Variants in ANKRD26 observed in about 807,000 individuals in gnomAD.
The protein encoded by ANKRD26 is ankyrin repeat domain 26, also known as ankyrin repeat domain-containing protein 26.
ANKRD26 carries 141 observed loss-of-function variants against 208.7 expected under a neutral mutation model. The observed-to-expected ratio is 0.68, with a 90% CI of 0.59 to 0.78. ANKRD26 has a LOEUF of 0.78. Among genes scored for constraint, ANKRD26 ranks in the 30% least tolerant of loss-of-function variants. ANKRD26 has a pLI of 0.00. For synonymous variants in ANKRD26, 636 were observed against 660.4 expected (o/e 0.96, Z 0.57); for missense variants, 1,889 against 1,938.7 (o/e 0.97, Z 0.48).
chr10:27,009,688 C>T (rs752186667), intron 32 of ANKRD26, among the ~76,000 whole-genome samples: 12 of 151,622 alleles, frequency 7.9e-5, no homozygotes, highest in African/African-American at 2.7e-4. Flanking sequence ...TAATCTCTTA[C>T]GCTAATAATT....
Position 27,043,333 on chromosome 10 carries a change from G to A in ANKRD26, c.2161+93C>T. The A allele has an allele frequency of 2.1e-6, 3 of 1,460,236 alleles. No individual in the cohort carries two copies. The Admixed American group carries it at 5.3e-5, about 26-fold the overall frequency. The allele number at this position is 1,460,236 out of a possible 1,614,324, so 90.5% of individuals were successfully genotyped here. ...GCATCATAGCCACCAATGAAGCACTGCAAAATGTATGCTAAATGTACATAC... is the reference window on the plus strand; with the variant it reads ...GCATCATAGCCACCAATGAAGCACTACAAAATGTATGCTAAATGTACATAC... On this transcript the variant is annotated intron_variant, in intron 20 of 33. Coordinates refer to ENST00000376087, the MANE Select transcript of ANKRD26 (RefSeq NM_014915.3).
the ANKRD26 span, among the ~76,000 whole-genome samples, chr10:26,958,462 G>T: frequency 6.6e-6 from 1 of 151,972 alleles, no homozygotes; most frequent in African/African-American, 2.4e-5. Context: ...CCCCCTACAG[G>T]TGCCCAGTGT....
intron 29 of ANKRD26, among the ~76,000 whole-genome samples, chr10:27,018,346 G>C (rs1229878304): frequency 2.6e-5 from 4 of 151,762 alleles, no homozygotes; most frequent in Non-Finnish European, 5.9e-5. Context: ...ATGTTAGCCA[G>C]GATGGTCTCA....
chr10:26,962,553 C>T, the ANKRD26 span, among the ~76,000 whole-genome samples: 13 of 151,772 alleles, frequency 8.6e-5, no homozygotes, highest in African/African-American at 2.7e-4. Flanking sequence ...CTAGCCTGGG[C>T]GACAGGAGTG....
the ANKRD26 span, among the ~76,000 whole-genome samples, chr10:26,954,333 T>G: frequency 3.3e-5 from 5 of 152,234 alleles, no homozygotes; most frequent in African/African-American, 1.2e-4. Flanking sequence ...TGATTTGAAA[T>G]GTCATTTTCA....
rs1322133898 is a variant in ANKRD26, at chr10:27,033,750, C to T, written c.3655-373G>A. On this transcript the variant is annotated intron_variant, in intron 24 of 33. Coordinates refer to ENST00000376087, the MANE Select transcript of ANKRD26 (RefSeq NM_014915.3). ...ACATTTTTGCTCTTTTTTATTAGAA[C>T]ATCAAATCAACTTCAGAGCTCCTCA... Among the ~76,000 whole-genome samples the T allele has an allele frequency of 3.9e-5, 6 of 152,272 alleles. No homozygotes were observed. In the East Asian group the frequency reaches 1.2e-3, roughly 29 times the overall value.
chr10:27,064,646 C>T (rs1397268087), intron 11 of ANKRD26, among the ~76,000 whole-genome samples: 6 of 152,130 alleles, frequency 3.9e-5, no homozygotes, highest in Non-Finnish European at 7.4e-5. Flanking sequence ...GCAGAAGCTG[C>T]TTCATTTAAG....
intron 12 of ANKRD26, among the ~76,000 whole-genome samples, chr10:27,063,647 C>T (rs2055143061): frequency 6.6e-6 from 1 of 152,082 alleles, no homozygotes; most frequent in Admixed American, 6.6e-5. Context: ...TACCACTCTC[C>T]ATTACATACA....
intron 25 of ANKRD26, chr10:27,030,578 G>T (rs2053832816): frequency 3.0e-6 from 3 of 985,250 alleles, no homozygotes; most frequent in African/African-American, 3.5e-5. Context: ...AAAGCGGTAT[G>T]AATCTACGGA....
intron 12 of ANKRD26, chr10:27,061,941 G>C (rs1739486296): frequency 1.0e-6 from 1 of 984,568 alleles, no homozygotes; most frequent in Admixed American, 6.2e-5. Context: ...ATTCTAGCAT[G>C]CCCTCCTGCT....
chr10:27,035,512 C>T lies in ANKRD26; in HGVS notation c.2938G>A (p.Val980Ile). 1 of 1,613,998 alleles carries T rather than the reference C, an allele frequency of 6.2e-7. No homozygotes were observed. The highest frequency in any genetic ancestry group is 8.5e-7 in the Non-Finnish European group (1 of 1,179,936). The change falls in exon 24 of 34, where the codon GTT becomes ATT. Residue 980 changes from valine to isoleucine, a missense_variant. Coordinates refer to ENST00000376087, the MANE Select transcript of ANKRD26 (RefSeq NM_014915.3). The part of the protein sequence containing the change: ...TISQYNGRLS[V>I]LTAENAMLNS... ...AGCATTGCATTCTCAGCTGTCAGAACACTAAGCCGTCCATTATACTGGGAT... is the reference window on the plus strand; with the variant it reads ...AGCATTGCATTCTCAGCTGTCAGAATACTAAGCCGTCCATTATACTGGGAT...
At position 27,035,191 on chromosome 10, in the gene ANKRD26, G is replaced by C. The variant is rs1384027344; in HGVS notation, c.3259C>G (p.Leu1087Val). Residue 1087 changes from leucine (L) to valine (V), a missense_variant, in exon 24 of 34, where the codon CTC becomes GTC. This residue lies in a region of ANKRD26 where 1,272 missense variants were observed against 1,273.8 expected (regional missense o/e 1.00). Coordinates refer to ENST00000376087, the MANE Select transcript of ANKRD26 (RefSeq NM_014915.3). ...EIEFHHTRDA[L>V]REKTLGLERV... ...TCTAAACCCAAAGTCTTTTCTCTGA[G>C]GGCATCTCTCGTGTGATGGAACTCA... 6.2e-7 allele frequency: 1 copy of C among 1,614,018 alleles called. No homozygotes were observed. Among genetic ancestry groups the C allele is most frequent in the Non-Finnish European group, 8.5e-7 (1 of 1,179,946 alleles).
chr10:26,959,839 C>T, the ANKRD26 span, among the ~76,000 whole-genome samples: 2 of 152,036 alleles, frequency 1.3e-5, no homozygotes, highest in African/African-American at 4.8e-5. Flanking sequence ...AGCTGCAGTC[C>T]TATGCTTCCA....
intron 9 of ANKRD26, among the ~76,000 whole-genome samples, chr10:27,068,973 A>G (rs959575057): frequency 6.6e-6 from 1 of 151,938 alleles, no homozygotes; most frequent in Non-Finnish European, 1.5e-5. Flanking sequence ...AAGTGGGCGG[A>G]TCATGATGTC....
chr10:27,046,268 T>A, intron 18 of ANKRD26, 85 bp downstream of exon 18: 1 of 1,318,336 alleles, frequency 7.6e-7, no homozygotes, highest in Non-Finnish European at 1.1e-6. Flanking sequence ...ATTCTCTAGC[T>A]TTGGGAGACT....
intron 32 of ANKRD26, 90 bp from the exon 33 acceptor site, chr10:27,007,052 T>C (rs2052913570): frequency 5.6e-6 from 5 of 891,470 alleles, no homozygotes; most frequent in Admixed American, 1.8e-5. Context: ...ATGTGGCCTG[T>C]AATACTCTTA....
At chr10:26,989,075 T>A (rs545192920), downstream of ANKRD26, among the ~76,000 whole-genome samples, 9 of 152,238 alleles carry the variant, frequency 5.9e-5, no homozygotes, top group South Asian at 1.7e-3. Context: ...TGAGAGGGTA[T>A]TAATATCGGG....
the ANKRD26 span, among the ~76,000 whole-genome samples, chr10:26,953,950 G>C: frequency 6.6e-6 from 1 of 152,182 alleles, no homozygotes; most frequent in Non-Finnish European, 1.5e-5. Flanking sequence ...ACCAATGTGA[G>C]AGCATCATAA....
intron 27 of ANKRD26, among the ~76,000 whole-genome samples, chr10:27,026,479 T>C (rs1371322645): frequency 6.6e-6 from 1 of 152,160 alleles, no homozygotes; most frequent in Non-Finnish European, 1.5e-5. Context: ...GACTAACACA[T>C]GAAATCTAGA....
Sources: gnomAD v4.1 joint callset for allele counts (sites outside exome capture counted in the v4.1 genomes callset) on GRCh38, gnomAD v4.1.1 for gene constraint, gnomAD v4.1.1 regional missense constraint, MANE v1.5 for transcripts, NCBI Gene and HGNC (gene_info 2026-07-23, HGNC 2026-07-21) for gene names.